Variants in SEMA3E observed in about 807,000 individuals in gnomAD.
SEMA3E encodes semaphorin-3E.
SEMA3E carries 49 observed loss-of-function variants against 93.6 expected under a neutral mutation model. That is an observed-to-expected ratio of 0.52 (90% confidence interval 0.42 to 0.66). SEMA3E has a LOEUF of 0.66. Among genes scored for constraint, SEMA3E ranks in the 30% least tolerant of loss-of-function variants. SEMA3E has a pLI of 0.00. For synonymous variants in SEMA3E, 363 were observed against 330.7 expected (o/e 1.10, Z -1.06); for missense variants, 906 against 964.8 (o/e 0.94, Z 0.81).
chr7:83,438,499 G>T (rs1438337324), intron 4 of SEMA3E, among the ~76,000 whole-genome samples: 2 of 152,088 alleles, frequency 1.3e-5, no homozygotes, highest in Admixed American at 1.3e-4. Flanking sequence ...AGTATGATTG[G>T]CTATTTTTTA....
intron 1 of SEMA3E, among the ~76,000 whole-genome samples, chr7:83,548,041 T>G (rs1230820881): frequency 6.6e-6 from 1 of 152,022 alleles, no homozygotes; most frequent in Non-Finnish European, 1.5e-5. Context: ...GAGACCAAGG[T>G]GGGCACATGA....
intron 16 of SEMA3E, 148 bp from the exon 17 acceptor site, chr7:83,368,186 T>G: frequency 1.5e-6 from 1 of 666,816 alleles, no homozygotes; most frequent in Non-Finnish European, 2.6e-6. Context: ...AAATGCTAAA[T>G]AATTACATCT....
chr7:83,636,706 A>T (rs1793888952), intron 1 of SEMA3E, among the ~76,000 whole-genome samples: 1 of 152,124 alleles, frequency 6.6e-6, no homozygotes, highest in East Asian at 1.9e-4. Context: ...TGTGTGTGGT[A>T]GAGTCATGTT....
At chr7:83,572,244 C>CA (rs1341731119) in intron 1 of SEMA3E, among the ~76,000 whole-genome samples, 1 of 151,422 alleles carries the variant, frequency 6.6e-6, no homozygotes, top group Non-Finnish European at 1.5e-5. Context: ...CATATTGAAC[C>CA]AAAAAAAGTG....
chr7:83,593,900 C>G (rs3801562), intron 1 of SEMA3E, among the ~76,000 whole-genome samples: 74,526 of 151,880 alleles, frequency 0.49, 18,454 homozygotes, highest in Middle Eastern at 0.68. Flanking sequence ...AAGTTGGCTT[C>G]TTTTGATGGC....
intron 4 of SEMA3E, among the ~76,000 whole-genome samples, chr7:83,422,067 C>A (rs575434155): frequency 6.6e-6 from 1 of 152,268 alleles, no homozygotes; most frequent in South Asian, 2.1e-4. Flanking sequence ...ATCCCAGCTA[C>A]TTGGGAGGCT....
At chr7:83,582,290 T>C (rs1716643773) in intron 1 of SEMA3E, among the ~76,000 whole-genome samples, 1 of 150,996 alleles carries the variant, frequency 6.6e-6, no homozygotes. Context: ...TTATGATTAA[T>C]GAACTAATAA....
chr7:83,396,069 GTA>G (rs1491039329), intron 12 of SEMA3E, among the ~76,000 whole-genome samples: 3 of 143,834 alleles, frequency 2.1e-5, no homozygotes, highest in African/African-American at 7.8e-5. Flanking sequence ...GTGTGTGTGT[GTA>G]TAAGTGCATA....
rs965298881 is a variant in SEMA3E, at chr7:83,363,700, C to A, written c.*3886G>T. The A allele has an allele frequency of 3.3e-5, 5 of 151,864 alleles. No homozygotes were observed. Among genetic ancestry groups the A allele is most frequent in the East Asian group, 1.9e-4 (1 of 5,164 alleles). 9.4% of individuals were successfully genotyped at this position (151,864 alleles called of 1,614,324 possible). Reference sequence around the variant, plus strand: ...CAGTTGTTGGCCTGAAAAATGAGTCCTTTTTTAAAATGGAACTCAGTGTGA... The same window carrying A: ...CAGTTGTTGGCCTGAAAAATGAGTCATTTTTTAAAATGGAACTCAGTGTGA... On this transcript the variant is annotated 3_prime_UTR_variant, in exon 17 of 17. Transcript: ENST00000643230.
At chr7:83,484,878 A>G (rs187745573) in intron 2 of SEMA3E, among the ~76,000 whole-genome samples, 199 of 152,326 alleles carry the variant, frequency 1.3e-3, no homozygotes, top group African/African-American at 4.6e-3. Context: ...GTATTGGTGC[A>G]GAGCTAAATA....
At chr7:83,502,113 C>T (rs1244251773) in intron 1 of SEMA3E, among the ~76,000 whole-genome samples, 1 of 152,076 alleles carries the variant, frequency 6.6e-6, no homozygotes, top group East Asian at 1.9e-4. Flanking sequence ...TGGCTCTTGG[C>T]AAAAACCTAG....
At chr7:83,623,829 A>T (rs1411041921) in intron 1 of SEMA3E, among the ~76,000 whole-genome samples, 8 of 151,920 alleles carry the variant, frequency 5.3e-5, no homozygotes, top group Non-Finnish European at 7.4e-5. Context: ...GCACCCATCA[A>T]CCCATCATCT....
Position 83,642,666 on chromosome 7 carries a change from A to T in SEMA3E, c.115+5762T>A, listed in dbSNP as rs1005159542. 2.1e-4 allele frequency among the ~76,000 whole-genome samples: 32 copies of T among 152,122 alleles called. 1 individual carries two copies. The highest frequency in any genetic ancestry group is 1.3e-4 in the Non-Finnish European group (9 of 67,972). On this transcript the variant is annotated intron_variant, in intron 1 of 16. Coordinates refer to ENST00000643230, the MANE Select transcript of SEMA3E (RefSeq NM_012431.3). Reference sequence around the variant, plus strand: ...ATTTAAGGCTTTACTGTGAAAAAAAATATCAAAATAACCATCATCCTTTGT... The same window carrying T: ...ATTTAAGGCTTTACTGTGAAAAAAATTATCAAAATAACCATCATCCTTTGT...
At chr7:83,640,079 T>C (rs1248961261) in intron 1 of SEMA3E, among the ~76,000 whole-genome samples, 1 of 152,180 alleles carries the variant, frequency 6.6e-6, no homozygotes, top group Admixed American at 6.5e-5. Flanking sequence ...CATCATTTCC[T>C]GGGAAAGAAC....
chr7:83,368,906 T>C (rs944005083), intron 16 of SEMA3E, among the ~76,000 whole-genome samples: 2 of 152,202 alleles, frequency 1.3e-5, no homozygotes, highest in Admixed American at 6.5e-5. Flanking sequence ...CACCACTATT[T>C]ATTGTGTGAT....
intron 1 of SEMA3E, among the ~76,000 whole-genome samples, chr7:83,574,593 C>T (rs1241333241): frequency 6.6e-6 from 1 of 152,050 alleles, no homozygotes. Context: ...ATTTTCTTTG[C>T]TCAATGAGAC....
intron 6 of SEMA3E, 85 bp downstream of exon 6, chr7:83,408,283 T>G (rs1033087561): frequency 2.0e-6 from 3 of 1,489,258 alleles, no homozygotes; most frequent in Non-Finnish European, 2.8e-6. Context: ...ATTTATATTC[T>G]TATTATTATC....
At chr7:83,544,616 A>G (rs1693381) in intron 1 of SEMA3E, among the ~76,000 whole-genome samples, 43,666 of 152,052 alleles carry the variant, frequency 0.29, 6,598 homozygotes, top group East Asian at 0.41. Context: ...TGTTGTAGAT[A>G]TGAATAATAT....
At position 83,533,083 on chromosome 7, in the gene SEMA3E, C is replaced by T. The variant is rs76906646; in HGVS notation, c.116-42809G>A. ...TGTCATCACAAGTCACTCTGTAACC[C>T]TTCTTCTGTATCTTTCTCTCCTCCT... On this transcript the variant is annotated intron_variant, in intron 1 of 16. Coordinates refer to ENST00000643230, the MANE Select transcript of SEMA3E (RefSeq NM_012431.3). Among the ~76,000 whole-genome samples, 3 of 149,980 alleles carry T rather than the reference C, an allele frequency of 2.0e-5. No homozygotes were observed. The Admixed American group carries it at 2.0e-4, about 10-fold the overall frequency.
Sources: gnomAD v4.1 joint callset for allele counts (sites outside exome capture counted in the v4.1 genomes callset) on GRCh38, gnomAD v4.1.1 for gene constraint, MANE v1.5 for transcripts, NCBI Gene and HGNC (gene_info 2026-07-23, HGNC 2026-07-21) for gene names.